The following DOK6 variants were observed in gnomAD, a reference collection of about 807,000 sequenced individuals.
DOK6 encodes the protein docking protein 6, also known as downstream of tyrosine kinase 6.
Under a neutral mutation model 44.0 loss-of-function variants are expected in DOK6, and 22 were observed. The ratio of observed to expected loss-of-function variants is 0.50; its 90% CI spans 0.36 to 0.71. The LOEUF is 0.71. Among genes scored for constraint, DOK6 ranks in the 30% least tolerant of loss-of-function variants. The pLI is 0.00. For missense variants in DOK6, 340 were observed against 416.4 expected, an observed-to-expected ratio of 0.82 and a Z score of 1.60; for synonymous variants, 166 against 145.5, an observed-to-expected ratio of 1.14 and a Z score of -1.01.
At chr18:69,473,349 C>G (rs1372005149) in intron 1 of DOK6, among the ~76,000 whole-genome samples, 1 of 152,138 alleles carries the variant, frequency 6.6e-6, no homozygotes, top group East Asian at 1.9e-4. Context: ...AATTTTTAAA[C>G]AATTTTAAGT....
intron 1 of DOK6, among the ~76,000 whole-genome samples, chr18:69,442,040 G>A (rs1376796178): frequency 6.6e-6 from 1 of 152,112 alleles, no homozygotes; most frequent in African/African-American, 2.4e-5. Flanking sequence ...AAGGTAGTCA[G>A]AGGATTTGGA....
intron 4 of DOK6, among the ~76,000 whole-genome samples, chr18:69,685,755 A>G (rs898417077): frequency 6.6e-6 from 1 of 152,214 alleles, no homozygotes; most frequent in South Asian, 2.1e-4. Context: ...ATTGCTTGAA[A>G]AGTTTCAAAA....
chr18:69,686,175 GA>G (rs1329243439), intron 4 of DOK6, among the ~76,000 whole-genome samples: 1 of 152,026 alleles, frequency 6.6e-6, no homozygotes, highest in Non-Finnish European at 1.5e-5. Context: ...AGAGGCCTCA[GA>G]AAAAAATCAA....
chr18:69,742,941 T>G (rs1002368794), intron 6 of DOK6, among the ~76,000 whole-genome samples: 1 of 152,142 alleles, frequency 6.6e-6, no homozygotes, highest in African/African-American at 2.4e-5. Context: ...CTTATTGGAG[T>G]CGGCCCTCCA....
chr18:69,446,258 C>T (rs1200214539), intron 1 of DOK6, among the ~76,000 whole-genome samples: 1 of 143,148 alleles, frequency 7.0e-6, no homozygotes, highest in Admixed American at 7.4e-5. Context: ...TTCCTGTGTC[C>T]AAGTGTTCTC....
At chr18:69,587,603 A>G (rs1274740467) in intron 2 of DOK6, among the ~76,000 whole-genome samples, 1 of 152,182 alleles carries the variant, frequency 6.6e-6, no homozygotes, top group African/African-American at 2.4e-5. Context: ...GAAGAGATTT[A>G]AGTTTGTCCA....
At chr18:69,809,502 A>G (rs1981152042) in intron 7 of DOK6, among the ~76,000 whole-genome samples, 1 of 151,356 alleles carries the variant, frequency 6.6e-6, no homozygotes, top group Non-Finnish European at 1.5e-5. Context: ...AAGAAGTTAA[A>G]TTGTCCCTAT....
At chr18:69,646,856 C>A (rs9963362) in intron 3 of DOK6, among the ~76,000 whole-genome samples, 7,131 of 152,212 alleles carry the variant, frequency 0.047, 200 homozygotes, top group Middle Eastern at 0.088. Flanking sequence ...ATTTCTCCAT[C>A]AGGGTGGGGC....
At position 69,702,720 on chromosome 18, in the gene DOK6, C is replaced by T. The variant is rs908512315; in HGVS notation, c.599+4127C>T. Among the ~76,000 whole-genome samples the T allele has an allele frequency of 3.9e-5, 6 of 152,114 alleles. 1 individual carries two copies. Among genetic ancestry groups the T allele is most frequent in the African/African-American group, 9.7e-5 (4 of 41,400 alleles). On this transcript the variant is annotated intron_variant, in intron 5 of 7. Coordinates refer to ENST00000382713, the MANE Select transcript of DOK6 (RefSeq NM_152721.6). ...AGAAACCTATGAGTGAATGTGGTGA[C>T]GTTTCACAAATCATGGGAGGAGATC...
At chr18:69,491,589 G>A (rs1980735487) in intron 1 of DOK6, among the ~76,000 whole-genome samples, 2 of 152,166 alleles carry the variant, frequency 1.3e-5, no homozygotes, top group Admixed American at 1.3e-4. Context: ...TATGATATGA[G>A]TCTCATCATA....
At chr18:69,523,473 A>T (rs56396201) in intron 1 of DOK6, among the ~76,000 whole-genome samples, 36,132 of 151,926 alleles carry the variant, frequency 0.24, 4,477 homozygotes, top group South Asian at 0.33. Flanking sequence ...CACCTGAAGA[A>T]TCAAGTCTAA....
intron 7 of DOK6, among the ~76,000 whole-genome samples, chr18:69,822,602 G>GA (rs1433273306): frequency 6.6e-6 from 1 of 152,104 alleles, no homozygotes; most frequent in Non-Finnish European, 1.5e-5. Flanking sequence ...TTTTGTACTG[G>GA]AAAAAACAAA....
At chr18:69,522,691 A>G (rs1465641840) in intron 1 of DOK6, among the ~76,000 whole-genome samples, 3 of 152,072 alleles carry the variant, frequency 2.0e-5, no homozygotes, top group East Asian at 1.9e-4. Flanking sequence ...TAGTTAACTA[A>G]CTAGGTTTGG....
At chr18:69,668,369 A>G (rs1985711775) in intron 3 of DOK6, among the ~76,000 whole-genome samples, 1 of 152,088 alleles carries the variant, frequency 6.6e-6, no homozygotes, top group Non-Finnish European at 1.5e-5. Context: ...TTGTACTTTA[A>G]AAAAACCTAG....
intron 1 of DOK6, among the ~76,000 whole-genome samples, chr18:69,546,659 G>C (rs772255718): frequency 2.6e-5 from 4 of 151,550 alleles, no homozygotes; most frequent in Non-Finnish European, 5.9e-5. Flanking sequence ...TCTTAAAACA[G>C]AGGCTGCTTT....
At chr18:69,525,207 T>C (rs1181312474) in intron 1 of DOK6, among the ~76,000 whole-genome samples, 3 of 151,940 alleles carry the variant, frequency 2.0e-5, no homozygotes, top group African/African-American at 7.2e-5. Flanking sequence ...GATTTTTTCT[T>C]TATTATGCAT....
intron 7 of DOK6, among the ~76,000 whole-genome samples, chr18:69,773,657 A>G (rs1320533204): frequency 6.6e-6 from 1 of 152,022 alleles, no homozygotes; most frequent in Non-Finnish European, 1.5e-5. Context: ...GAAGCAGGGA[A>G]CAGAATGTGC....
chr18:69,514,057 T>C (rs1981448908), intron 1 of DOK6, among the ~76,000 whole-genome samples: 1 of 152,088 alleles, frequency 6.6e-6, no homozygotes, highest in African/African-American at 2.4e-5. Flanking sequence ...AAAATCAATA[T>C]ATGCAAAATG....
intron 4 of DOK6, among the ~76,000 whole-genome samples, chr18:69,698,125 T>C (rs547639111): frequency 2.0e-5 from 3 of 152,324 alleles, no homozygotes; most frequent in African/African-American, 7.2e-5. Context: ...CCCTTATTTT[T>C]CCATTGTACA....
Sources: gnomAD v4.1 joint callset for allele counts (sites outside exome capture counted in the v4.1 genomes callset) on GRCh38, gnomAD v4.1.1 for gene constraint, MANE v1.5 for transcripts, NCBI Gene and HGNC (gene_info 2026-07-23, HGNC 2026-07-21) for gene names.